Variants in CEP85L observed in about 807,000 individuals in gnomAD.
CEP85L encodes centrosomal protein of 85 kDa-like.
CEP85L carries 60 observed loss-of-function variants against 100.3 expected under a neutral mutation model. The ratio of observed to expected loss-of-function variants is 0.60; its 90% confidence interval spans 0.49 to 0.74. The LOEUF (loss-of-function observed/expected upper bound fraction) is 0.74. Ranked by LOEUF, CEP85L falls within the 30% of genes least tolerant of loss-of-function variation. The pLI is 0.00. For missense variants in CEP85L, 973 were observed against 936.2 expected, an observed-to-expected ratio of 1.04 and a Z score of -0.51; for synonymous variants, 319 against 322.7, an observed-to-expected ratio of 0.99 and a Z score of 0.12.
At chr6:118,470,084 G>A (rs903456396) in intron 11 of CEP85L, among the ~76,000 whole-genome samples, 10 of 151,806 alleles carry the variant, frequency 6.6e-5, no homozygotes, top group African/African-American at 2.4e-4. Context: ...CACAAACTTC[G>A]GTGCGAGAGA....
At chr6:118,586,217 C>G (rs1473419713) in intron 2 of CEP85L, among the ~76,000 whole-genome samples, 1 of 152,318 alleles carries the variant, frequency 6.6e-6, no homozygotes, top group Non-Finnish European at 1.5e-5. Flanking sequence ...GGTCACTCTT[C>G]CTCCCACGGC....
At position 118,461,868 on chromosome 6, in the gene CEP85L, C is replaced by T. The variant is rs1470224478; in HGVS notation, c.*3537G>A. On this transcript the variant is annotated 3_prime_UTR_variant, in exon 13 of 13. Transcript: ENST00000368491. ...TTACATATCTACAATGATATAATTC[C>T]TACGTAAGAGAATGCCAATAATCCA... is the stretch of plus-strand genomic sequence containing the variant. 6.6e-6 allele frequency: 1 copy of T among 151,928 alleles called. No individual in the cohort carries two copies. The highest frequency in any genetic ancestry group is 2.4e-5 in the African/African-American group (1 of 41,386). 9.4% of individuals were successfully genotyped at this position (151,928 alleles called of 1,614,324 possible).
intron 3 of CEP85L, among the ~76,000 whole-genome samples, chr6:118,532,672 T>C (rs1027972043): frequency 3.9e-5 from 6 of 152,116 alleles, no homozygotes; most frequent in Non-Finnish European, 7.3e-5. Context: ...TGAATCATCA[T>C]AGAAAGGATT....
At chr6:118,484,221 T>C (rs1264038418) in intron 6 of CEP85L, among the ~76,000 whole-genome samples, 3 of 152,190 alleles carry the variant, frequency 2.0e-5, no homozygotes, top group Middle Eastern at 6.8e-3. Flanking sequence ...AAGGCTGAGG[T>C]ATGAGAATCG....
At chr6:118,541,250 A>C (rs1562243789) in intron 3 of CEP85L, among the ~76,000 whole-genome samples, 1 of 152,226 alleles carries the variant, frequency 6.6e-6, no homozygotes, top group African/African-American at 2.4e-5. Context: ...ACTGAAGGGC[A>C]AATTAAATCA....
In CEP85L at chr6:118,589,134, A is replaced by C. The variant is rs1172774865; in HGVS notation, c.233-22818T>G. ...GATGCTCAGATATCAGAGAAGAAAC[A>C]CAAGGCCTTCAATGATATTGCCAGA... is the stretch of plus-strand genomic sequence containing the variant. On this transcript the variant is annotated intron_variant, in intron 2 of 12. Coordinates refer to ENST00000368491, the MANE Select transcript of CEP85L (RefSeq NM_001042475.3). The C allele has an allele frequency of 1.4e-5, 4 of 290,032 alleles. No individual in the cohort carries two copies. In the South Asian group the frequency reaches 1.9e-4, roughly 14 times the overall value. The allele number at this position is 290,032 out of a possible 1,614,324, so 18.0% of individuals were successfully genotyped here. A position where few individuals can be genotyped will look rare whatever the true frequency, so the allele number is the denominator to read the frequency against.
intron 1 of CEP85L, among the ~76,000 whole-genome samples, chr6:118,648,366 T>C (rs570679120): frequency 6.6e-5 from 10 of 152,228 alleles, no homozygotes; most frequent in African/African-American, 2.4e-4. Context: ...AGGCTAAAAG[T>C]TCAGTATTTT....
chr6:118,672,401 A>C (rs549769524), intron 1 of CEP85L, among the ~76,000 whole-genome samples: 5 of 152,210 alleles, frequency 3.3e-5, no homozygotes, highest in South Asian at 4.1e-4. Flanking sequence ...TTGAATATTG[A>C]CTATGTACTC....
intron 3 of CEP85L, among the ~76,000 whole-genome samples, chr6:118,558,352 A>G (rs1778999192): frequency 6.6e-6 from 1 of 152,132 alleles, no homozygotes; most frequent in South Asian, 2.1e-4. Flanking sequence ...AAGTTTGGTG[A>G]TGTTTTTGTG....
intron 3 of CEP85L, chr6:118,537,924 T>C: frequency 3.0e-6 from 3 of 983,670 alleles, no homozygotes; most frequent in Non-Finnish European, 3.6e-6. Context: ...TACAAGTGTT[T>C]TCTGGTAAGA....
chr6:118,542,158 T>C (rs1213172342), intron 3 of CEP85L, among the ~76,000 whole-genome samples: 2 of 152,158 alleles, frequency 1.3e-5, no homozygotes, highest in Non-Finnish European at 2.9e-5. Flanking sequence ...GTGTATTATA[T>C]GCCAAACTCA....
intron 3 of CEP85L, chr6:118,537,439 A>G (rs1583002605): frequency 2.3e-6 from 2 of 876,502 alleles, no homozygotes; most frequent in East Asian, 2.4e-4. Flanking sequence ...CTAAAAATGC[A>G]TATGACACAC....
At chr6:118,601,633 A>G (rs1781792452) in intron 2 of CEP85L, among the ~76,000 whole-genome samples, 1 of 152,212 alleles carries the variant, frequency 6.6e-6, no homozygotes, top group Admixed American at 6.5e-5. Context: ...TGGCTACTCC[A>G]CAGACAGTGT....
chr6:118,559,257 A>G (rs1349039431), intron 3 of CEP85L: 2 of 650,694 alleles, frequency 3.1e-6, no homozygotes, highest in African/African-American at 3.7e-5. Flanking sequence ...CATCTGTTGG[A>G]TCTTGTAAAC....
At chr6:118,500,142 G>GTT (rs200458467) in intron 5 of CEP85L, among the ~76,000 whole-genome samples, 22 of 92,876 alleles carry the variant, frequency 2.4e-4, no homozygotes, top group African/African-American at 6.0e-4. Context: ...CTCTACTAAA[G>GTT]TATTTTTTTT....
chr6:118,475,350 T>A (rs372936986), intron 10 of CEP85L, among the ~76,000 whole-genome samples: 24,447 of 111,246 alleles, frequency 0.22, 2,917 homozygotes, highest in East Asian at 0.46. Flanking sequence ...AGGTGACATT[T>A]TTTTTTTTTT....
chr6:118,497,177 G>T (rs1774979860), intron 5 of CEP85L, among the ~76,000 whole-genome samples: 1 of 152,200 alleles, frequency 6.6e-6, no homozygotes, highest in South Asian at 2.1e-4. Flanking sequence ...AATGACAGTG[G>T]TCTTAAAAGT....
intron 2 of CEP85L, among the ~76,000 whole-genome samples, chr6:118,622,589 C>T (rs1386210159): frequency 6.6e-6 from 1 of 152,214 alleles, no homozygotes; most frequent in African/African-American, 2.4e-5. Context: ...GAACTCGTGG[C>T]ACTTACCTGA....
intron 3 of CEP85L, among the ~76,000 whole-genome samples, chr6:118,544,091 CGAG>C (rs1342493855): frequency 6.6e-6 from 1 of 151,738 alleles, no homozygotes; most frequent in Non-Finnish European, 1.5e-5. Flanking sequence ...TTTGCGAATG[CGAG>C]GAGCTCAAAG....
Sources: allele counts gnomAD v4.1 joint callset (sites outside exome capture counted in the v4.1 genomes callset), GRCh38; gene constraint gnomAD v4.1.1; transcripts MANE v1.5; gene names NCBI Gene and HGNC (gene_info 2026-07-23, HGNC 2026-07-21).